PCDHGB2: variants seen among roughly 807,000 people sequenced by gnomAD.
The protein encoded by PCDHGB2 is protocadherin gamma subfamily B, 2, also known as protocadherin gamma-B2.
In PCDHGB2, 55 loss-of-function variants were observed where a neutral mutation model predicts 59.3. That is an observed-to-expected ratio of 0.93 (90% CI 0.75 to 1.16). The LOEUF (loss-of-function observed/expected upper bound fraction) is 1.16. Among genes scored for constraint, PCDHGB2 ranks in the 50% most tolerant of loss-of-function variants. PCDHGB2 has a pLI of 0.00. For synonymous variants in PCDHGB2, 516 were observed against 512.0 expected, an observed-to-expected ratio of 1.01 and a Z score of -0.11; for missense variants, 1,228 against 1,198.5, an observed-to-expected ratio of 1.02 and a Z score of -0.36.
In PCDHGB2 at chr5:141,393,936, G is replaced by A. The variant is rs766829273; in HGVS notation, c.2421+31380G>A. On this transcript the variant is annotated intron_variant, in intron 1 of 3. Transcript: ENST00000522605. ...TGCCTTCTTGAGTGTGCATGACCAA[G>A]ACTCTGGAAAGAATGGTCAAGTTGT... 3 of 1,613,922 alleles carry A rather than the reference G, an allele frequency of 1.9e-6. No homozygotes were observed. In the Admixed American group the frequency reaches 5.0e-5, roughly 27 times the overall value.
At chr5:141,404,482 C>T (rs758102201) in intron 1 of PCDHGB2, 2 of 1,613,594 alleles carry the variant, frequency 1.2e-6, no homozygotes, top group East Asian at 2.2e-5. Context: ...TTAACTCAGA[C>T]ACTGGTGTGC....
chr5:141,368,472 A>G (rs1765672364), intron 1 of PCDHGB2, among the ~76,000 whole-genome samples: 1 of 152,196 alleles, frequency 6.6e-6, no homozygotes, highest in South Asian at 2.1e-4. Flanking sequence ...ATGCATCCAA[A>G]GAGTAACAAG....
chr5:141,434,877 C>A (rs1266355299), intron 1 of PCDHGB2, among the ~76,000 whole-genome samples: 1 of 151,612 alleles, frequency 6.6e-6, no homozygotes, highest in Non-Finnish European at 1.5e-5. Flanking sequence ...TGACAGATAC[C>A]AACAACAATC....
In PCDHGB2 at chr5:141,375,764, G is replaced by A. The variant is rs746447899; in HGVS notation, c.2421+13208G>A. 1.7e-5 allele frequency: 27 copies of A among 1,614,116 alleles called. No individual in the cohort carries two copies. The highest frequency in any genetic ancestry group is 2.0e-5 in the Non-Finnish European group (24 of 1,180,044). ...GCTGGACCAGAATGACAATGCGCCCGAGATCCTGTACCCCGCCCTCCCCAC... is the reference window on the plus strand; with the variant it reads ...GCTGGACCAGAATGACAATGCGCCCAAGATCCTGTACCCCGCCCTCCCCAC... On this transcript the variant is annotated intron_variant, in intron 1 of 3. Transcript: ENST00000522605.
chr5:141,408,055 C>T lies in PCDHGB2; in HGVS notation c.2421+45499C>T, dbSNP rs1012762205. 35 of 1,299,012 alleles carry T rather than the reference C, an allele frequency of 2.7e-5. No homozygotes were observed. In the South Asian group the frequency reaches 3.8e-4, roughly 14 times the overall value. 80.5% of individuals were successfully genotyped at this position (1,299,012 alleles called of 1,614,324 possible). On this transcript the variant is annotated intron_variant, in intron 1 of 3. Coordinates refer to ENST00000522605, the MANE Select transcript of PCDHGB2 (RefSeq NM_018923.3). ...AAAACCAGCTCCCACACAGAGCCTCCCGGCTGCGCAGACCTTTCCCAGCAC... is the reference window on the plus strand; with the variant it reads ...AAAACCAGCTCCCACACAGAGCCTCTCGGCTGCGCAGACCTTTCCCAGCAC...
intron 1 of PCDHGB2, chr5:141,426,432 C>A (rs1239073805): frequency 1.0e-5 from 3 of 295,812 alleles, no homozygotes; most frequent in South Asian, 3.3e-5. Flanking sequence ...TGGTGGGGAA[C>A]CTTGCGGAGG....
chr5:141,438,579 CATACATACATACATAT>C (rs1360889040), intron 1 of PCDHGB2, among the ~76,000 whole-genome samples: 18 of 55,776 alleles, frequency 3.2e-4, no homozygotes, highest in Non-Finnish European at 5.1e-4. Context: ...GATATACATA[CATACATACATACATAT>C]ATATATATAT....
At chr5:141,442,111 C>G (rs1265830634) in intron 1 of PCDHGB2, 1 of 166,236 alleles carries the variant, frequency 6.0e-6, no homozygotes, top group Non-Finnish European at 1.3e-5. Context: ...CACTACCGCC[C>G]CTCGTCGCCG....
intron 1 of PCDHGB2, chr5:141,383,716 G>A (rs1012308132): frequency 6.2e-7 from 1 of 1,614,012 alleles, no homozygotes; most frequent in Non-Finnish European, 8.5e-7. Context: ...GGACGAGGGA[G>A]TCAATGGGGA....
chr5:141,380,445 T>C (rs1249653673), intron 1 of PCDHGB2, among the ~76,000 whole-genome samples: 1 of 152,242 alleles, frequency 6.6e-6, no homozygotes, highest in African/African-American at 2.4e-5. Flanking sequence ...AGAATTCTTT[T>C]TAATGCAACC....
At chr5:141,389,860 ACC>A (rs2091950057) in intron 1 of PCDHGB2, 1 of 1,613,934 alleles carries the variant, frequency 6.2e-7, no homozygotes, top group Non-Finnish European at 8.5e-7. Context: ...GCCACGTTGC[ACC>A]TGGTCTTCGC....
In PCDHGB2 at chr5:141,491,556, C is replaced by T. The variant is rs2099720720; in HGVS notation, c.2422-3251C>T. The T allele has an allele frequency of 1.2e-6, 2 of 1,613,848 alleles. No homozygotes were observed. The highest frequency in any genetic ancestry group is 1.7e-5 in the Admixed American group (1 of 60,000). ...TGCGGCCCACAGACTCGCAGAGCCA[C>T]TGCTACAGGACGTGCTTTTCACCGG... On this transcript the variant is annotated intron_variant, in intron 1 of 3. Transcript: ENST00000522605. The surrounding 1 kb of genome is among the most constrained non-coding windows in gnomAD (Gnocchi z 6.9).
chr5:141,410,780 A>T, intron 1 of PCDHGB2: 1 of 803,810 alleles, frequency 1.2e-6, no homozygotes. Context: ...TTCACTATGT[A>T]TTTGGTTCAT....
At chr5:141,395,170 AGAAAAATGATTCTT>A in intron 1 of PCDHGB2, 1 of 1,614,214 alleles carries the variant, frequency 6.2e-7, no homozygotes, top group Non-Finnish European at 8.5e-7. Flanking sequence ...GAGGGCTGTG[AGAAAAATGATTCTT>A]TGTTAACATC....
rs374857095 is a variant in PCDHGB2, at chr5:141,409,142, A to G, written c.2421+46586A>G. 6 of 1,613,904 alleles carry G rather than the reference A, an allele frequency of 3.7e-6. No individual in the cohort carries two copies. In the African/African-American group the frequency reaches 6.7e-5, roughly 18 times the overall value. ...GTCATTTGATTTTGAAGATGTAGAA[A>G]GGTACACCATGGAAGTGGAAGCGAA... is the stretch of plus-strand genomic sequence containing the variant. On this transcript the variant is annotated intron_variant, in intron 1 of 3. Coordinates refer to ENST00000522605, the MANE Select transcript of PCDHGB2 (RefSeq NM_018923.3).
intron 1 of PCDHGB2, chr5:141,408,375 T>C: frequency 6.2e-7 from 1 of 1,613,972 alleles, no homozygotes; most frequent in Non-Finnish European, 8.5e-7. Context: ...GGGCTCAGTG[T>C]CCTGGATGTG....
At chr5:141,499,625 C>A (rs1238895570) in intron 2 of PCDHGB2, among the ~76,000 whole-genome samples, 1 of 149,832 alleles carries the variant, frequency 6.7e-6, no homozygotes, top group East Asian at 2.0e-4. Flanking sequence ...TCCTTGGATT[C>A]TTTTGAAGCA....
At chr5:141,449,538 G>A (rs1445815017) in intron 1 of PCDHGB2, among the ~76,000 whole-genome samples, 15 of 145,960 alleles carry the variant, frequency 1.0e-4, no homozygotes, top group East Asian at 4.0e-4. Flanking sequence ...GCAGTGAGCC[G>A]AGATCGCACC....
chr5:141,429,651 C>G (rs62379161), intron 1 of PCDHGB2, among the ~76,000 whole-genome samples: 5,146 of 152,188 alleles, frequency 0.034, 101 homozygotes, highest in Middle Eastern at 0.088. Context: ...TATTTCTTCC[C>G]AATTTAAAAT....
Sources: allele counts gnomAD v4.1 joint callset (sites outside exome capture counted in the v4.1 genomes callset), GRCh38; gene constraint gnomAD v4.1.1; non-coding constraint Gnocchi (gnomAD v3.1); transcripts MANE v1.5; gene names NCBI Gene and HGNC (gene_info 2026-07-23, HGNC 2026-07-21).